Variants in PTPRD observed in about 807,000 individuals in gnomAD.
PTPRD encodes receptor-type tyrosine-protein phosphatase delta.
In PTPRD, 34 loss-of-function variants were observed where a neutral mutation model predicts 214.5. The ratio of observed to expected loss-of-function variants is 0.16; its 90% CI spans 0.12 to 0.21. The LOEUF (loss-of-function observed/expected upper bound fraction) is 0.21, where lower values mean the gene tolerates loss of function less well. Ranked by LOEUF, PTPRD falls within the 10% of genes least tolerant of loss-of-function variation. PTPRD has a pLI of 1.00. For missense variants in PTPRD, 2,545 were observed against 2,398.7 expected (o/e 1.06, Z -1.27); for synonymous variants, 1,128 against 845.7 (o/e 1.33, Z -5.79).
chr9:8,351,651 C>T (rs1185357317), intron 39 of PTPRD, among the ~76,000 whole-genome samples: 1 of 147,184 alleles, frequency 6.8e-6, no homozygotes, highest in East Asian at 2.0e-4. Flanking sequence ...CAGACTTAGT[C>T]CTGCCATCTG....
intron 2 of PTPRD, among the ~76,000 whole-genome samples, chr9:10,434,930 C>T (rs1174440737): frequency 6.6e-6 from 1 of 151,788 alleles, no homozygotes; most frequent in African/African-American, 2.4e-5. Flanking sequence ...GCTTCATGCA[C>T]TGAGTGAGGT....
At chr9:8,531,773 G>A (rs1042359236) in intron 14 of PTPRD, among the ~76,000 whole-genome samples, 4 of 152,056 alleles carry the variant, frequency 2.6e-5, no homozygotes, top group African/African-American at 7.2e-5. Context: ...ATTCAGTGCT[G>A]ATCAGTGGCA....
intron 9 of PTPRD, among the ~76,000 whole-genome samples, chr9:9,206,300 G>A (rs535545223): frequency 3.4e-4 from 52 of 152,286 alleles, no homozygotes; most frequent in African/African-American, 1.2e-3. Context: ...AGTTTTACAA[G>A]AGGAGGACCA....
At chr9:10,236,286 C>T (rs888738199) in intron 3 of PTPRD, among the ~76,000 whole-genome samples, 1 of 151,868 alleles carries the variant, frequency 6.6e-6, no homozygotes, top group Non-Finnish European at 1.5e-5. Flanking sequence ...TATTCTGGTT[C>T]TTGTTCTGTC....
chr9:9,789,793 T>C (rs1330797107), intron 5 of PTPRD, among the ~76,000 whole-genome samples: 3 of 13,846 alleles, frequency 2.2e-4, no homozygotes, highest in Non-Finnish European at 3.9e-4. Context: ...CCAAACTCTG[T>C]CTCAAAAAAA....
intron 13 of PTPRD, among the ~76,000 whole-genome samples, chr9:8,634,288 G>A (rs947533465): frequency 6.6e-6 from 1 of 151,660 alleles, no homozygotes; most frequent in Non-Finnish European, 1.5e-5. Flanking sequence ...ACAATATTAT[G>A]GAGTCCTCTG....
intron 4 of PTPRD, among the ~76,000 whole-genome samples, chr9:9,947,307 A>ATATATATAT (rs1339106184): frequency 5.9e-5 from 5 of 85,192 alleles, no homozygotes; most frequent in Non-Finnish European, 4.1e-5. Context: ...TATATATTTT[A>ATATATATAT]TATATATATT....
At chr9:10,257,908 A>T (rs1186222775) in intron 3 of PTPRD, among the ~76,000 whole-genome samples, 1 of 152,214 alleles carries the variant, frequency 6.6e-6, no homozygotes, top group Non-Finnish European at 1.5e-5. Flanking sequence ...TGTGGCAGAA[A>T]ATAATGAAAC....
chr9:9,610,221 T>C (rs879496677), intron 7 of PTPRD, among the ~76,000 whole-genome samples: 51 of 152,170 alleles, frequency 3.4e-4, no homozygotes, highest in Non-Finnish European at 6.8e-4. Context: ...TGAGGATAAT[T>C]ACCCACTCAG....
At chr9:9,409,073 T>A (rs144740983) in intron 8 of PTPRD, among the ~76,000 whole-genome samples, 1,942 of 152,086 alleles carry the variant, frequency 0.013, 22 homozygotes, top group Non-Finnish European at 0.015. Context: ...GTGTCTTTAT[T>A]CTAGAATATT....
At chr9:8,891,071 C>A (rs1053005170) in intron 11 of PTPRD, among the ~76,000 whole-genome samples, 2 of 151,726 alleles carry the variant, frequency 1.3e-5, no homozygotes, top group Non-Finnish European at 2.9e-5. Flanking sequence ...AATCAATTAG[C>A]CCCTGTATTT....
chr9:9,139,767 A>T (rs2099856942), intron 10 of PTPRD, among the ~76,000 whole-genome samples: 1 of 152,180 alleles, frequency 6.6e-6, no homozygotes, highest in African/African-American at 2.4e-5. Flanking sequence ...CAGGTAATTG[A>T]AACTGCAGAA....
chr9:9,805,802 C>T (rs1412199328), intron 5 of PTPRD, among the ~76,000 whole-genome samples: 1 of 152,040 alleles, frequency 6.6e-6, no homozygotes, highest in Non-Finnish European at 1.5e-5. Flanking sequence ...CATTAATGTT[C>T]CTCTTGAACT....
intron 10 of PTPRD, among the ~76,000 whole-genome samples, chr9:9,148,209 G>A (rs972281846): frequency 1.3e-5 from 2 of 152,120 alleles, no homozygotes; most frequent in South Asian, 2.1e-4. Flanking sequence ...TTACTTTAGA[G>A]GTTACTTTAA....
At chr9:10,279,542 C>G (rs866293898) in intron 3 of PTPRD, among the ~76,000 whole-genome samples, 7 of 151,908 alleles carry the variant, frequency 4.6e-5, no homozygotes, top group Non-Finnish European at 1.0e-4. Flanking sequence ...ATAAAACTTT[C>G]GGAATACTAT....
intron 3 of PTPRD, among the ~76,000 whole-genome samples, chr9:10,184,295 T>C (rs953346412): frequency 2.3e-4 from 35 of 152,014 alleles, no homozygotes; most frequent in African/African-American, 8.0e-4. Context: ...CGTGGTGGCA[T>C]GCGCCTGTAA....
chr9:8,521,231 G>T (rs2138840538), intron 20 of PTPRD, 46 bp downstream of exon 20: 1 of 1,562,180 alleles, frequency 6.4e-7, no homozygotes, highest in Non-Finnish European at 8.7e-7. Context: ...TTAGTCACTT[G>T]GCTTGAGTGT....
chr9:10,544,221 G>C (rs1424212644), intron 2 of PTPRD, among the ~76,000 whole-genome samples: 1 of 151,854 alleles, frequency 6.6e-6, no homozygotes, highest in Non-Finnish European at 1.5e-5. Flanking sequence ...TTAAAATTAT[G>C]TATGGTGTCC....
intron 10 of PTPRD, among the ~76,000 whole-genome samples, chr9:9,099,222 C>T (rs1278102769): frequency 1.3e-5 from 2 of 152,136 alleles, no homozygotes; most frequent in African/African-American, 4.8e-5. Context: ...AAGCAATCCA[C>T]GTAGATTAAA....
Sources: allele counts gnomAD v4.1 joint callset (sites outside exome capture counted in the v4.1 genomes callset), GRCh38; gene constraint gnomAD v4.1.1; transcripts MANE v1.5; gene names NCBI Gene and HGNC (gene_info 2026-07-23, HGNC 2026-07-21).